Variants in TEX36 observed in about 807,000 individuals in gnomAD.
TEX36 encodes the protein testis expressed 36.
TEX36 carries 12 observed loss-of-function variants against 13.6 expected under a neutral mutation model. The ratio of observed to expected loss-of-function variants is 0.88; its 90% CI spans 0.56 to 1.43. TEX36 has a LOEUF of 1.43. Among genes scored for constraint, TEX36 ranks in the 40% most tolerant of loss-of-function variants. The probability of loss-of-function intolerance (pLI) is 0.00; values close to 1 mark genes in which losing one functional copy is unlikely to be tolerated. For synonymous variants in TEX36, 93 were observed against 83.0 expected, an observed-to-expected ratio of 1.12 and a Z score of -0.65; for missense variants, 224 against 228.3, an observed-to-expected ratio of 0.98 and a Z score of 0.12.
At chr10:125,664,526 T>C (rs1356139436) in intron 1 of TEX36, among the ~76,000 whole-genome samples, 2 of 152,158 alleles carry the variant, frequency 1.3e-5, no homozygotes, top group African/African-American at 4.8e-5. Context: ...TGGGAGGTGA[T>C]TGGATCATGG....
chr10:125,612,112 G>C (rs1426729215), intron 3 of TEX36, among the ~76,000 whole-genome samples: 1 of 140,438 alleles, frequency 7.1e-6, no homozygotes, highest in Non-Finnish European at 1.5e-5. Context: ...TTCAGACAGA[G>C]TCTTGCTCTG....
chr10:125,673,604 G>A (rs1478155833), intron 1 of TEX36, among the ~76,000 whole-genome samples: 1 of 150,276 alleles, frequency 6.7e-6, no homozygotes, highest in East Asian at 2.0e-4. Flanking sequence ...CAGCTACTAA[G>A]GAGGCTGAGG....
chr10:125,621,757 A>G, intron 3 of TEX36: 1 of 426,680 alleles, frequency 2.3e-6, no homozygotes, highest in South Asian at 1.7e-5. Context: ...AGCCCCCCAG[A>G]AGCCACTGGT....
At chr10:125,626,846 G>A (rs530492012) in intron 3 of TEX36, among the ~76,000 whole-genome samples, 57 of 152,292 alleles carry the variant, frequency 3.7e-4, no homozygotes, top group African/African-American at 1.2e-3. Context: ...GGTCTAACCC[G>A]GGATGGCAGG....
intron 1 of TEX36, among the ~76,000 whole-genome samples, chr10:125,677,663 G>C (rs1007837697): frequency 6.6e-6 from 1 of 151,842 alleles, no homozygotes; most frequent in Non-Finnish European, 1.5e-5. Flanking sequence ...ATCTCACTGA[G>C]CTTCTTTAAA....
At chr10:125,586,655 A>T (rs541659964) in intron 3 of TEX36, among the ~76,000 whole-genome samples, 5,902 of 149,548 alleles carry the variant, frequency 0.039, 280 homozygotes, top group Non-Finnish European at 0.052. Context: ...AAAAAAAAAA[A>T]AATTAGCCAG....
intron 3 of TEX36, among the ~76,000 whole-genome samples, chr10:125,625,564 T>G (rs1007963874): frequency 6.6e-6 from 1 of 152,186 alleles, no homozygotes; most frequent in African/African-American, 2.4e-5. Context: ...AAAGGAGAAA[T>G]AAGAGGCAGA....
intron 1 of TEX36, among the ~76,000 whole-genome samples, chr10:125,680,685 C>A (rs1847379564): frequency 6.6e-6 from 1 of 152,186 alleles, no homozygotes; most frequent in South Asian, 2.1e-4. Flanking sequence ...CCAATAATTT[C>A]TTTAATTTTT....
intron 3 of TEX36, among the ~76,000 whole-genome samples, chr10:125,601,243 C>G (rs1846141591): frequency 1.3e-5 from 2 of 152,186 alleles, no homozygotes; most frequent in South Asian, 4.1e-4. Context: ...CACATTTAAT[C>G]TTCACAATAA....
Position 125,645,775 on chromosome 10 carries a change from CT to C in TEX36, c.264+15245del, listed in dbSNP as rs200447088. On this transcript the variant is annotated intron_variant, in intron 3 of 3. Transcript: ENST00000526819. ...ATCTTTCTGTAGAATTTTTTTGCAA[CT>C]TTCTATGGCCCTATAATTATTCCCT... Among the ~76,000 whole-genome samples, 895 of 151,864 alleles carry C rather than the reference CT, an allele frequency of 5.9e-3. 7 individuals carry two copies. Among genetic ancestry groups the C allele is most frequent in the African/African-American group, 0.021 (853 of 41,408 alleles).
intron 3 of TEX36, among the ~76,000 whole-genome samples, chr10:125,646,877 G>GGAGCT (rs1471797671): frequency 6.6e-6 from 1 of 152,180 alleles, no homozygotes; most frequent in African/African-American, 2.4e-5. Context: ...CCCAGGTCCA[G>GGAGCT]GAGCTTTCCT....
In TEX36 at chr10:125,642,673, G is replaced by T. The variant is rs575958627; in HGVS notation, c.264+18348C>A. 1.8e-4 allele frequency among the ~76,000 whole-genome samples: 27 copies of T among 151,562 alleles called. 1 individual carries two copies. The highest frequency in any genetic ancestry group is 1.4e-3 in the Admixed American group (22 of 15,266). Reference sequence around the variant, plus strand: ...TTAAGAAAGGTTTTTTTGTTTTTTTGTGTTTTCTATTTCAAACCTTCTGTT... The same window carrying T: ...TTAAGAAAGGTTTTTTTGTTTTTTTTTGTTTTCTATTTCAAACCTTCTGTT... On this transcript the variant is annotated intron_variant, in intron 3 of 3. Transcript: ENST00000526819.
rs1795720456 is a variant in TEX36, at chr10:125,591,384, C to T, written c.265-14510G>A. ...ATCCCCCCAAACCCTTGCAATTTGG[C>T]TCTGCCCTTAGTAACTGGGAGCCAC... On this transcript the variant is annotated intron_variant, in intron 3 of 3. Coordinates refer to the TEX36 transcript ENST00000532135. Among the ~76,000 whole-genome samples the T allele has an allele frequency of 3.3e-5, 5 of 152,284 alleles. No homozygotes were observed. In the South Asian group the frequency reaches 1.0e-3, roughly 32 times the overall value.
chr10:125,603,218 G>A (rs754179586), intron 3 of TEX36, among the ~76,000 whole-genome samples: 6 of 152,106 alleles, frequency 3.9e-5, no homozygotes, highest in Admixed American at 2.0e-4. Flanking sequence ...ATGGCCCCCC[G>A]CCAGAAACTA....
chr10:125,580,173 T>C (rs1339488980), intron 3 of TEX36, among the ~76,000 whole-genome samples: 1 of 152,258 alleles, frequency 6.6e-6, no homozygotes, highest in African/African-American at 2.4e-5. Flanking sequence ...TTTTTACCAC[T>C]AGTTTCTTGC....
rs1481323648 is a variant in TEX36 at position 125,655,820 on chromosome 10, C to A, written c.*80G>T. The A allele has an allele frequency of 1.0e-5, 14 of 1,372,586 alleles. No individual in the cohort carries two copies. The highest frequency in any genetic ancestry group is 1.1e-5 in the Non-Finnish European group (12 of 1,057,406). 85.0% of individuals were successfully genotyped at this position (1,372,586 alleles called of 1,614,324 possible). ...GTACTTTAAAAATTAAATAGTGGTG[C>A]TGGATCAGAAAACATATACTTTTAG... On this transcript the variant is annotated 3_prime_UTR_variant, in exon 4 of 4. Transcript: ENST00000368821.
intron 3 of TEX36, among the ~76,000 whole-genome samples, chr10:125,602,220 G>A (rs1164790229): frequency 6.6e-6 from 1 of 152,184 alleles, no homozygotes; most frequent in Non-Finnish European, 1.5e-5. Flanking sequence ...TTTATGCGGG[G>A]TATGAGGCTG....
chr10:125,653,559 C>T (rs1393791791), downstream of TEX36, among the ~76,000 whole-genome samples: 1 of 151,946 alleles, frequency 6.6e-6, no homozygotes, highest in Non-Finnish European at 1.5e-5. Flanking sequence ...ACAGGTGCAG[C>T]AAACCAACAT....
chr10:125,645,354 G>C (rs1589770195), intron 3 of TEX36, among the ~76,000 whole-genome samples: 1 of 152,250 alleles, frequency 6.6e-6, no homozygotes, highest in East Asian at 1.9e-4. Flanking sequence ...TCCATTCGTG[G>C]ATTCATGGTT....
Sources: allele counts gnomAD v4.1 joint callset (sites outside exome capture counted in the v4.1 genomes callset), GRCh38; gene constraint gnomAD v4.1.1; transcripts MANE v1.5; gene names NCBI Gene and HGNC (gene_info 2026-07-23, HGNC 2026-07-21).